KDM5B: variants seen among roughly 807,000 people sequenced by gnomAD.
KDM5B encodes the protein lysine-specific demethylase 5B.
Under a neutral mutation model 193.4 loss-of-function variants are expected in KDM5B, and 144 were observed. The ratio of observed to expected loss-of-function variants is 0.74; its 90% confidence interval spans 0.65 to 0.86. The LOEUF is 0.86. Among genes scored for constraint, KDM5B ranks in the 40% least tolerant of loss-of-function variants. KDM5B has a pLI of 0.00. For missense variants in KDM5B, 1,833 were observed against 1,886.9 expected (o/e 0.97, Z 0.53); for synonymous variants, 668 against 682.6 (o/e 0.98, Z 0.33).
chr1:202,802,737 T>A (rs556070427), intron 1 of KDM5B, among the ~76,000 whole-genome samples: 1 of 152,270 alleles, frequency 6.6e-6, no homozygotes, highest in East Asian at 1.9e-4. Flanking sequence ...CTGGCAGATT[T>A]CTACCCACTT....
chr1:202,764,183 A>G, intron 5 of KDM5B, 38 bp from the exon 6 acceptor site: 1 of 1,100,762 alleles, frequency 9.1e-7, no homozygotes, highest in Non-Finnish European at 1.3e-6. Context: ...ATTTCCTTTA[A>G]GAAGAAATAA....
At position 202,741,740 on chromosome 1, in the gene KDM5B, G is replaced by A; in HGVS notation, c.2590-18C>T. On this transcript the variant is annotated intron_variant, in intron 18 of 26. Transcript: ENST00000367265. Reference sequence around the variant, plus strand: ...AAGAGATCCTAAAAAAAAATACACAGGTTGTTGCATTAAAACAGTAATTTC... The same window carrying A: ...AAGAGATCCTAAAAAAAAATACACAAGTTGTTGCATTAAAACAGTAATTTC... The A allele has an allele frequency of 2.1e-6, 3 of 1,452,386 alleles. No homozygotes were observed. Among genetic ancestry groups the A allele is most frequent in the Non-Finnish European group, 2.9e-6 (3 of 1,051,180 alleles). 90.0% of individuals were successfully genotyped at this position (1,452,386 alleles called of 1,614,324 possible). A position where few individuals can be genotyped will look rare whatever the true frequency, so the allele number is the denominator to read the frequency against.
intron 1 of KDM5B, among the ~76,000 whole-genome samples, chr1:202,794,732 T>TATA (rs978479435): frequency 1.3e-5 from 2 of 152,272 alleles, no homozygotes; most frequent in South Asian, 4.1e-4. Flanking sequence ...CATATGGTAG[T>TATA]CCCCACCCTT....
At position 202,742,493 on chromosome 1, in the gene KDM5B, A is replaced by G; in HGVS notation, c.2487T>C (p.Gly829=). 6.2e-7 allele frequency: 1 copy of G among 1,613,944 alleles called. No individual in the cohort carries two copies. Among genetic ancestry groups the G allele is most frequent in the Non-Finnish European group, 8.5e-7 (1 of 1,179,930 alleles). Residue 829 remains glycine, a synonymous_variant, in exon 18 of 27, where the codon GGT becomes GGC. Transcript: ENST00000367265. ...TCAACTGATTTTGGGATTTCCCTCC[A>G]CCAGATCGATATCTGTAAAGACAAA... ...NGKRQTRYRS[G]GGKSQNQLTV... is the part of the protein sequence containing the mutation.
intron 4 of KDM5B, among the ~76,000 whole-genome samples, chr1:202,771,189 A>G (rs746807743): frequency 1.3e-5 from 2 of 152,162 alleles, no homozygotes. Flanking sequence ...AAGGTTCCAC[A>G]TTCAACATTC....
chr1:202,754,666 T>C (rs1170915353), intron 11 of KDM5B, among the ~76,000 whole-genome samples: 1 of 152,246 alleles, frequency 6.6e-6, no homozygotes, highest in Non-Finnish European at 1.5e-5. Flanking sequence ...ATTTAGAATA[T>C]GCTTTTTCTA....
At chr1:202,744,012 G>A (rs1655453074) in intron 16 of KDM5B, among the ~76,000 whole-genome samples, 1 of 150,094 alleles carries the variant, frequency 6.7e-6, no homozygotes, top group Non-Finnish European at 1.5e-5. Flanking sequence ...AAGAGCTTCT[G>A]CACAGCAAAA....
intron 8 of KDM5B, 27 bp downstream of exon 8, chr1:202,760,388 A>G: frequency 6.5e-7 from 1 of 1,531,292 alleles, no homozygotes; most frequent in East Asian, 2.4e-5. Flanking sequence ...AAATTTTTCT[A>G]GTGTTACCTC....
chr1:202,785,244 A>G (rs1287937752), intron 1 of KDM5B, among the ~76,000 whole-genome samples: 1 of 152,094 alleles, frequency 6.6e-6, no homozygotes, highest in Non-Finnish European at 1.5e-5. Context: ...TTCCAGCCTA[A>G]CCCTAGCTGG....
intron 9 of KDM5B, among the ~76,000 whole-genome samples, chr1:202,757,098 G>A (rs1181353534): frequency 2.3e-5 from 1 of 43,168 alleles, no homozygotes; most frequent in Non-Finnish European, 7.2e-5. Flanking sequence ...CTGGGAGGTG[G>A]GGGGGGGATT....
chr1:202,788,834 A>G (rs1178022518), intron 1 of KDM5B, among the ~76,000 whole-genome samples: 2 of 152,182 alleles, frequency 1.3e-5, no homozygotes, highest in African/African-American at 4.8e-5. Context: ...TGTTTTTTCC[A>G]TACCTAGAAT....
At chr1:202,779,974 A>G (rs1257801446) in intron 1 of KDM5B, among the ~76,000 whole-genome samples, 1 of 152,086 alleles carries the variant, frequency 6.6e-6, no homozygotes, top group African/African-American at 2.4e-5. Context: ...CTAGATTTAT[A>G]AAGAGTTCAT....
At position 202,795,128 on chromosome 1, in the gene KDM5B, C is replaced by T. The variant is rs567274257; in HGVS notation, c.204+12974G>A. Among the ~76,000 whole-genome samples, 71 of 152,122 alleles carry T rather than the reference C, an allele frequency of 4.7e-4. No individual in the cohort carries two copies. In the South Asian group the frequency reaches 8.8e-3, roughly 19 times the overall value. Reference sequence around the variant, plus strand: ...ACTCAAGAGGCTGAGGCATGAGAATCGCTTGAGCCCAGGAGGCAGAGATTG... The same window carrying T: ...ACTCAAGAGGCTGAGGCATGAGAATTGCTTGAGCCCAGGAGGCAGAGATTG... On this transcript the variant is annotated intron_variant, in intron 1 of 26. Coordinates refer to ENST00000367265, the MANE Select transcript of KDM5B (RefSeq NM_006618.5).
At chr1:202,776,370 G>A (rs1293397139) in intron 2 of KDM5B, 2 of 152,058 alleles carry the variant, frequency 1.3e-5, no homozygotes, top group Non-Finnish European at 1.5e-5. Context: ...AGTACTGTAA[G>A]CACAATTCCA....
intron 8 of KDM5B, among the ~76,000 whole-genome samples, chr1:202,760,154 G>C (rs577315028): frequency 6.6e-6 from 1 of 151,810 alleles, no homozygotes; most frequent in Admixed American, 6.6e-5. Context: ...TCTGTACAAA[G>C]AATACAAAAA....
chr1:202,732,745 C>A lies in KDM5B; in HGVS notation c.3909+656G>T, dbSNP rs933436218. 5.9e-5 allele frequency among the ~76,000 whole-genome samples: 9 copies of A among 151,880 alleles called. No individual in the cohort carries two copies. The East Asian group carries it at 1.7e-3, about 29-fold the overall frequency. On this transcript the variant is annotated intron_variant, in intron 23 of 26. Coordinates refer to ENST00000367265, the MANE Select transcript of KDM5B (RefSeq NM_006618.5). Reference sequence around the variant, plus strand: ...CAGAGATGTTTACCAACTTTAAAAACCATCAGATTAACCTCATAAAGATTG... The same window carrying A: ...CAGAGATGTTTACCAACTTTAAAAAACATCAGATTAACCTCATAAAGATTG...
intron 1 of KDM5B, among the ~76,000 whole-genome samples, chr1:202,781,499 T>TA (rs1175101060): frequency 6.6e-6 from 1 of 152,228 alleles, no homozygotes; most frequent in Non-Finnish European, 1.5e-5. Context: ...TACTATACTT[T>TA]GTTAAAGTTA....
rs1654741152 is a variant in KDM5B, at chr1:202,728,148, A to AG, written c.*887dup. ...GCCCCTTCTGGCTGTGCAACAGTAG[A>AG]GGGGCAGAAGAAGCTGTGCTCTAAT... On this transcript the variant is annotated 3_prime_UTR_variant, in exon 27 of 27. Transcript: ENST00000367265. The AG allele has an allele frequency of 6.6e-6, 1 of 152,254 alleles. No homozygotes were observed. 9.4% of individuals were successfully genotyped at this position (152,254 alleles called of 1,614,324 possible).
At chr1:202,746,566 T>C (rs1244005618) in intron 14 of KDM5B, 4 of 408,878 alleles carry the variant, frequency 9.8e-6, no homozygotes, top group African/African-American at 4.0e-5. Flanking sequence ...CATTTTGATC[T>C]GAGTATGAAC....
Sources: allele counts gnomAD v4.1 joint callset (sites outside exome capture counted in the v4.1 genomes callset), GRCh38; gene constraint gnomAD v4.1.1; transcripts MANE v1.5; gene names NCBI Gene and HGNC (gene_info 2026-07-23, HGNC 2026-07-21).